TAFA1: variants seen among roughly 807,000 people sequenced by gnomAD.
TAFA1 encodes chemokine-like protein TAFA-1.
A neutral mutation model predicts 18.5 loss-of-function variants in TAFA1; 4 were observed. The observed-to-expected ratio is 0.22, with a 90% CI of 0.11 to 0.49. The LOEUF is 0.49. Among genes scored for constraint, TAFA1 ranks in the 20% least tolerant of loss-of-function variants. The pLI, the probability that TAFA1 is intolerant of heterozygous loss-of-function variation, is 0.98. For missense variants in TAFA1, 147 were observed against 169.0 expected, an observed-to-expected ratio of 0.87 and a Z score of 0.72; for synonymous variants, 56 against 55.2, an observed-to-expected ratio of 1.01 and a Z score of -0.06.
At chr3:68,113,296 G>A (rs75844130) in intron 2 of TAFA1, among the ~76,000 whole-genome samples, 134 of 152,320 alleles carry the variant, frequency 8.8e-4, no homozygotes, top group Non-Finnish European at 1.4e-3. Context: ...GAGAAAGGTG[G>A]TGCTGCAGAG....
intron 3 of TAFA1, among the ~76,000 whole-genome samples, chr3:68,475,066 C>A (rs368831969): frequency 2.0e-5 from 3 of 152,144 alleles, no homozygotes; most frequent in African/African-American, 7.2e-5. Context: ...CTGAAAATCT[C>A]TCTTGCTCAG....
chr3:68,027,297 A>G (rs754633782), intron 2 of TAFA1, among the ~76,000 whole-genome samples: 80 of 152,138 alleles, frequency 5.3e-4, no homozygotes, highest in Non-Finnish European at 8.4e-4. Flanking sequence ...TTCTCCCAAT[A>G]TTTAGCAGAA....
At position 68,499,570 on chromosome 3, in the gene TAFA1, T is replaced by C. The variant is rs1405639432; in HGVS notation, c.260-39186T>C. Among the ~76,000 whole-genome samples, 3 of 151,938 alleles carry C rather than the reference T, an allele frequency of 2.0e-5. No individual in the cohort carries two copies. The East Asian group carries it at 5.8e-4, about 29-fold the overall frequency. On this transcript the variant is annotated intron_variant, in intron 3 of 4. Transcript: ENST00000478136. ...AGGTAAGCTAAAATACACTTTATTT[T>C]ATGTATTTATTTATCTTATGGGCGA...
chr3:68,068,758 A>C (rs995883918), intron 2 of TAFA1, among the ~76,000 whole-genome samples: 2 of 152,196 alleles, frequency 1.3e-5, no homozygotes, highest in Non-Finnish European at 2.9e-5. Flanking sequence ...GTAAATAGAA[A>C]ATTCATTAGA....
intron 2 of TAFA1, among the ~76,000 whole-genome samples, chr3:68,152,327 C>T (rs2106923524): frequency 6.6e-6 from 1 of 151,836 alleles, no homozygotes; most frequent in South Asian, 2.1e-4. Flanking sequence ...TTTTTTTTTG[C>T]AGTTTTCCCA....
At chr3:68,433,634 G>A (rs2071220004) in intron 3 of TAFA1, among the ~76,000 whole-genome samples, 1 of 152,066 alleles carries the variant, frequency 6.6e-6, no homozygotes, top group South Asian at 2.1e-4. Context: ...CATGTCTTTT[G>A]TACTTATGTA....
chr3:67,993,418 T>A, the TAFA1 span, among the ~76,000 whole-genome samples: 90 of 152,342 alleles, frequency 5.9e-4, no homozygotes, highest in Non-Finnish European at 1.8e-4. Flanking sequence ...TACTCCCCAG[T>A]TGGCTTGTAA....
At chr3:68,286,596 G>C (rs1290976838) in intron 2 of TAFA1, among the ~76,000 whole-genome samples, 1 of 152,132 alleles carries the variant, frequency 6.6e-6, no homozygotes, top group Non-Finnish European at 1.5e-5. Context: ...AAACACCCAA[G>C]AAAGTTAGGA....
chr3:68,419,865 C>G (rs1039010906), intron 3 of TAFA1, among the ~76,000 whole-genome samples: 1 of 152,116 alleles, frequency 6.6e-6, no homozygotes, highest in African/African-American at 2.4e-5. Flanking sequence ...GAAATTCAGC[C>G]AAACCTCGTG....
At chr3:68,180,789 A>G (rs1007909097) in intron 2 of TAFA1, among the ~76,000 whole-genome samples, 2 of 152,040 alleles carry the variant, frequency 1.3e-5, no homozygotes, top group Admixed American at 1.3e-4. Flanking sequence ...ACCCCTGATG[A>G]TCCTCTCCTC....
chr3:68,057,676 T>C (rs778658657), intron 2 of TAFA1, among the ~76,000 whole-genome samples: 1 of 152,216 alleles, frequency 6.6e-6, no homozygotes, highest in Admixed American at 6.5e-5. Context: ...ATTAAGGATC[T>C]TGGTATGGGA....
At chr3:68,182,137 A>G (rs909000146) in intron 2 of TAFA1, among the ~76,000 whole-genome samples, 1 of 152,214 alleles carries the variant, frequency 6.6e-6, no homozygotes, top group African/African-American at 2.4e-5. Flanking sequence ...TGATCCCAGG[A>G]GGTCAAGGCT....
chr3:68,290,647 A>G (rs1206810319), intron 2 of TAFA1, among the ~76,000 whole-genome samples: 1 of 152,148 alleles, frequency 6.6e-6, no homozygotes, highest in Non-Finnish European at 1.5e-5. Context: ...TTACTATCCT[A>G]TAGTTAAAAA....
intron 2 of TAFA1, among the ~76,000 whole-genome samples, chr3:68,327,952 A>G (rs1272338639): frequency 3.3e-5 from 5 of 152,182 alleles, no homozygotes; most frequent in Non-Finnish European, 7.4e-5. Context: ...GTATGGAGAA[A>G]ATTTTAATGG....
chr3:68,433,435 T>C (rs2071215078), intron 3 of TAFA1, among the ~76,000 whole-genome samples: 1 of 152,216 alleles, frequency 6.6e-6, no homozygotes, highest in African/African-American at 2.4e-5. Context: ...ATCTAAGTCC[T>C]CCTGTTGTTG....
chr3:68,159,387 C>T (rs1001771324), intron 2 of TAFA1, among the ~76,000 whole-genome samples: 19 of 152,196 alleles, frequency 1.2e-4, no homozygotes, highest in East Asian at 9.6e-4. Context: ...GTGGTATTAA[C>T]GGGAGACTTT....
chr3:68,469,341 T>C (rs2071951359), intron 3 of TAFA1, among the ~76,000 whole-genome samples: 1 of 152,156 alleles, frequency 6.6e-6, no homozygotes, highest in Non-Finnish European at 1.5e-5. Context: ...TCCCATTTGT[T>C]GCTCACTTCC....
At chr3:68,101,497 G>A (rs1409667657) in intron 2 of TAFA1, among the ~76,000 whole-genome samples, 1 of 152,012 alleles carries the variant, frequency 6.6e-6, no homozygotes, top group Non-Finnish European at 1.5e-5. Flanking sequence ...GGAATACTAT[G>A]CAGCCATAAA....
chr3:68,278,336 T>C lies in TAFA1; in HGVS notation c.119-138944T>C, dbSNP rs1007881487. Reference sequence around the variant, plus strand: ...ATACACTCAAAAGTAGAACAAATAATATAAACTAAGAATCCCACTACCCGT... The same window carrying C: ...ATACACTCAAAAGTAGAACAAATAACATAAACTAAGAATCCCACTACCCGT... On this transcript the variant is annotated intron_variant, in intron 2 of 4. Transcript: ENST00000478136. 2.6e-5 allele frequency among the ~76,000 whole-genome samples: 4 copies of C among 152,248 alleles called. No individual in the cohort carries two copies. The East Asian group carries it at 7.7e-4, about 29-fold the overall frequency.
Sources: allele counts gnomAD v4.1 joint callset (sites outside exome capture counted in the v4.1 genomes callset), GRCh38; gene constraint gnomAD v4.1.1; transcripts MANE v1.5; gene names NCBI Gene and HGNC (gene_info 2026-07-23, HGNC 2026-07-21).